DNM1L: variants seen among roughly 807,000 people sequenced by gnomAD.
DNM1L encodes the protein dynamin 1L.
DNM1L carries 33 observed loss-of-function variants against 92.8 expected under a neutral mutation model. The ratio of observed to expected loss-of-function variants is 0.36; its 90% confidence interval spans 0.27 to 0.48. The LOEUF (loss-of-function observed/expected upper bound fraction) is 0.48. DNM1L is among the 20% of genes least tolerant of loss of function. The pLI, the probability that DNM1L is intolerant of heterozygous loss-of-function variation, is 0.99. For missense variants in DNM1L, 485 were observed against 888.8 expected, an observed-to-expected ratio of 0.55 and a Z score of 5.78; for synonymous variants, 284 against 305.0, an observed-to-expected ratio of 0.93 and a Z score of 0.72.
At chr12:32,726,640 C>T (rs1378047897) in intron 9 of DNM1L, 3 of 812,658 alleles carry the variant, frequency 3.7e-6, no homozygotes, top group Non-Finnish European at 6.1e-6. Context: ...TCAGGAACTT[C>T]AGGAGGGGCA....
chr12:32,740,336 A>T (rs566911635), intron 17 of DNM1L, 73 bp from the exon 18 acceptor site: 1 of 1,610,508 alleles, frequency 6.2e-7, no homozygotes, highest in South Asian at 1.1e-5. Context: ...AAAAACTTAC[A>T]TAACTTTCAG....
intron 1 of DNM1L, 38 bp downstream of exon 1, chr12:32,679,503 C>T (rs1330261488): frequency 1.3e-6 from 2 of 1,574,964 alleles, no homozygotes; most frequent in African/African-American, 1.3e-5. Flanking sequence ...GGCCAGACCC[C>T]GGCCGCAGGC....
At chr12:32,732,887 G>A (rs1161545722) in intron 12 of DNM1L, among the ~76,000 whole-genome samples, 5 of 152,024 alleles carry the variant, frequency 3.3e-5, no homozygotes, top group Non-Finnish European at 7.4e-5. Context: ...ACTTGAGGTC[G>A]GAAGTTTGAG....
At chr12:32,682,130 C>G (rs2137196918) in intron 1 of DNM1L, among the ~76,000 whole-genome samples, 1 of 152,028 alleles carries the variant, frequency 6.6e-6, no homozygotes, top group South Asian at 2.1e-4. Flanking sequence ...TATTAAGAAT[C>G]ACTTTGGTTT....
At chr12:32,715,904 T>C (rs909323078) in intron 6 of DNM1L, among the ~76,000 whole-genome samples, 13 of 152,298 alleles carry the variant, frequency 8.5e-5, no homozygotes, top group African/African-American at 3.1e-4. Context: ...TGTTTAACCA[T>C]GTTAAGTGAG....
Position 32,698,457 on chromosome 12 carries a change from C to G in DNM1L, c.103-2958C>G, listed in dbSNP as rs1296448212. Among the ~76,000 whole-genome samples, 4 of 152,172 alleles carry G rather than the reference C, an allele frequency of 2.6e-5. 1 individual carries two copies. The highest frequency in any genetic ancestry group is 4.4e-5 in the Non-Finnish European group (3 of 68,030). On this transcript the variant is annotated intron_variant, in intron 1 of 19. Transcript: ENST00000549701. The stretch of plus-strand genomic sequence containing the variant: ...GGTGATGAGAGCTGTTCTCTTGTTA[C>G]TAGCCTGGGTTACTGCATTATCCCT...
chr12:32,691,187 A>AT, intron 1 of DNM1L, among the ~76,000 whole-genome samples: 1 of 152,098 alleles, frequency 6.6e-6, no homozygotes, highest in African/African-American at 2.4e-5. Flanking sequence ...CTGTGTCTAA[A>AT]TTTCCTCTTC....
chr12:32,729,232 C>A (rs934966280), intron 9 of DNM1L, among the ~76,000 whole-genome samples: 1 of 152,062 alleles, frequency 6.6e-6, no homozygotes, highest in African/African-American at 2.4e-5. Flanking sequence ...CAGGCGCGCA[C>A]TACTATGCCC....
chr12:32,697,898 C>T (rs995022179), intron 1 of DNM1L, among the ~76,000 whole-genome samples: 27 of 150,652 alleles, frequency 1.8e-4, no homozygotes, highest in Admixed American at 1.3e-3. Context: ...AAAAAAAGAA[C>T]GTAAAATATT....
chr12:32,717,990 G>A (rs1473094322), intron 6 of DNM1L, among the ~76,000 whole-genome samples: 13 of 108,116 alleles, frequency 1.2e-4, no homozygotes, highest in South Asian at 5.1e-4. Flanking sequence ...TATATAGTAT[G>A]TATAGTATAT....
intron 6 of DNM1L, among the ~76,000 whole-genome samples, chr12:32,718,159 T>G (rs929856256): frequency 2.8e-5 from 4 of 145,234 alleles, no homozygotes; most frequent in Non-Finnish European, 6.0e-5. Flanking sequence ...TATATATATT[T>G]TAGATGGAGT....
At chr12:32,719,411 A>G (rs1475804348) in intron 7 of DNM1L, among the ~76,000 whole-genome samples, 1 of 152,212 alleles carries the variant, frequency 6.6e-6, no homozygotes, top group Non-Finnish European at 1.5e-5. Context: ...CCCAATCGAG[A>G]AAGAGTTTAA....
At chr12:32,734,665 G>A (rs528678067) in intron 13 of DNM1L, among the ~76,000 whole-genome samples, 3 of 152,212 alleles carry the variant, frequency 2.0e-5, no homozygotes, top group East Asian at 1.9e-4. Context: ...AAAATTAGCC[G>A]GGCTTGGTGG....
In DNM1L at chr12:32,718,667, C is replaced by T; in HGVS notation, c.644C>T (p.Thr215Ile). 6.2e-7 allele frequency: 1 copy of T among 1,613,868 alleles called. No individual in the cohort carries two copies. Among genetic ancestry groups the T allele is most frequent in the Non-Finnish European group, 8.5e-7 (1 of 1,179,890 alleles). The stretch of plus-strand genomic sequence containing the variant: ...GGTCGCAGAACCCTAGCTGTAATCA[C>T]TAAACTTGATCTCATGGATGCGGGT... The part of the protein sequence containing the change: ...PDGRRTLAVI[T>I]KLDLMDAGTD... Residue 215 changes from threonine (T) to isoleucine (I), a missense_variant, in exon 7 of 20, where the codon ACT becomes ATT. Around this residue, in one of 11 missense-constraint regions of DNM1L, gnomAD observed 159 missense variants for 275.9 expected, o/e 0.58. Coordinates refer to ENST00000549701, the MANE Select transcript of DNM1L (RefSeq NM_012062.5).
chr12:32,744,746 T>C lies in DNM1L; in HGVS notation c.*1336T>C, dbSNP rs755060666. 5.1e-6 allele frequency: 2 copies of C among 395,582 alleles called. No homozygotes were observed. The highest frequency in any genetic ancestry group is 4.9e-6 in the Non-Finnish European group (1 of 205,760). 24.5% of individuals were successfully genotyped at this position (395,582 alleles called of 1,614,324 possible). A position where few individuals can be genotyped will look rare whatever the true frequency, so the allele number is the denominator to read the frequency against. ...AAAAATAAAACAACACCCAGATAGA[T>C]ACACATACTCCTTCAGACTTACAGA... On this transcript the variant is annotated 3_prime_UTR_variant, in exon 20 of 20. Transcript: ENST00000549701.
At chr12:32,726,379 T>G (rs1954139329) in intron 9 of DNM1L, 3 of 1,575,012 alleles carry the variant, frequency 1.9e-6, no homozygotes, top group Non-Finnish European at 2.6e-6. Flanking sequence ...TATATCCTGC[T>G]TCACTGCTGC....
In DNM1L at chr12:32,711,879, T is replaced by C. The variant is rs901210256; in HGVS notation, c.456+864T>C. Among the ~76,000 whole-genome samples, 11 of 152,236 alleles carry C rather than the reference T, an allele frequency of 7.2e-5. No individual in the cohort carries two copies. In the East Asian group the frequency reaches 1.2e-3, roughly 16 times the overall value. On this transcript the variant is annotated intron_variant, in intron 5 of 19. Transcript: ENST00000549701. Reference sequence around the variant, plus strand: ...ACCTGGCCAACAGAGTGAGACCCTGTCTCTAAATAAATAAATAAATGGCAA... The same window carrying C: ...ACCTGGCCAACAGAGTGAGACCCTGCCTCTAAATAAATAAATAAATGGCAA...
At chr12:32,716,742 G>GTATA (rs71447619) in intron 6 of DNM1L, among the ~76,000 whole-genome samples, 17,955 of 138,988 alleles carry the variant, frequency 0.13, 1,141 homozygotes, top group Middle Eastern at 0.16. Context: ...ACTATATATA[G>GTATA]TATATATATA....
chr12:32,722,815 T>C lies in DNM1L; in HGVS notation c.1079+182T>C, dbSNP rs376446423. 7 of 376,592 alleles carry C rather than the reference T, an allele frequency of 1.9e-5. No individual in the cohort carries two copies. The South Asian group carries it at 4.0e-4, about 21-fold the overall frequency. The allele number at this position is 376,592 out of a possible 1,614,324, so 23.3% of individuals were successfully genotyped here. A position where few individuals can be genotyped will look rare whatever the true frequency, so the allele number is the denominator to read the frequency against. ...GTGAAAATATGCTTTGTAAATGATA[T>C]AAAGCAAAGTAAAATTGTCACATAT... On this transcript the variant is annotated intron_variant, in intron 9 of 19. Transcript: ENST00000549701.
Sources: allele counts gnomAD v4.1 joint callset (sites outside exome capture counted in the v4.1 genomes callset), GRCh38; gene constraint gnomAD v4.1.1; regional missense constraint gnomAD v4.1.1; transcripts MANE v1.5; gene names NCBI Gene and HGNC (gene_info 2026-07-23, HGNC 2026-07-21).